The following CUL3 variants were observed in gnomAD, a reference collection of about 807,000 sequenced individuals.
CUL3 encodes the protein cullin 3.
Under a neutral mutation model 89.1 loss-of-function variants are expected in CUL3, and 19 were observed. The ratio of observed to expected loss-of-function variants is 0.21; its 90% CI spans 0.15 to 0.31. The LOEUF (loss-of-function observed/expected upper bound fraction) is 0.31. CUL3 is among the 10% of genes least tolerant of loss of function. CUL3 has a pLI of 1.00. For missense variants in CUL3, 469 were observed against 942.3 expected (o/e 0.50, Z 6.58); for synonymous variants, 351 against 308.4 (o/e 1.14, Z -1.45).
chr2:224,541,175 C>G (rs964045802), intron 2 of CUL3, among the ~76,000 whole-genome samples: 1 of 150,228 alleles, frequency 6.7e-6, no homozygotes, highest in Admixed American at 6.6e-5. Flanking sequence ...CAGAGAGAAG[C>G]TACAGAATAG....
chr2:224,512,067 A>G (rs761319376), intron 5 of CUL3, among the ~76,000 whole-genome samples: 6 of 152,072 alleles, frequency 3.9e-5, no homozygotes, highest in Non-Finnish European at 7.4e-5. Context: ...AAGTTTGAAA[A>G]TAAGAGCTTT....
rs1454778496 is a variant in CUL3, at chr2:224,500,631, T to TC, written c.1486-145_1486-144insG. 62 of 635,046 alleles carry TC rather than the reference T, an allele frequency of 9.8e-5. 1 individual carries two copies. The Middle Eastern group carries it at 1.6e-3, about 17-fold the overall frequency. The allele number at this position is 635,046 out of a possible 1,614,324, so 39.3% of individuals were successfully genotyped here. A position where few individuals can be genotyped will look rare whatever the true frequency, so the allele number is the denominator to read the frequency against. ...AAAAAAAGCAGATTTTCTTTTCTTT[T>TC]TTTTTTTTTTTTTGAGACAGAGTTT... On this transcript the variant is annotated intron_variant, in intron 10 of 15. Transcript: ENST00000264414.
intron 13 of CUL3, chr2:224,495,048 C>T (rs1692115146): frequency 6.6e-6 from 1 of 151,500 alleles, no homozygotes; most frequent in Admixed American, 6.6e-5. Context: ...AAGAAAACAA[C>T]TCAAAAAAGA....
At chr2:224,486,144 T>A (rs1440908203) in intron 13 of CUL3, among the ~76,000 whole-genome samples, 3 of 152,258 alleles carry the variant, frequency 2.0e-5, no homozygotes, top group Admixed American at 1.3e-4. Context: ...GATAAATCCA[T>A]GAAGATGAGG....
intron 3 of CUL3, among the ~76,000 whole-genome samples, chr2:224,532,065 T>C (rs1322305882): frequency 1.3e-5 from 2 of 152,176 alleles, no homozygotes; most frequent in Non-Finnish European, 2.9e-5. Flanking sequence ...ATAGTGATTA[T>C]CAACTGAATG....
intron 2 of CUL3, among the ~76,000 whole-genome samples, chr2:224,546,044 T>C (rs1194243084): frequency 1.3e-5 from 2 of 152,270 alleles, no homozygotes; most frequent in East Asian, 3.9e-4. Flanking sequence ...AATGATAGCT[T>C]TTTACTTACT....
chr2:224,517,855 C>T (rs1693122526), intron 3 of CUL3, among the ~76,000 whole-genome samples: 1 of 152,066 alleles, frequency 6.6e-6, no homozygotes, highest in African/African-American at 2.4e-5. Flanking sequence ...TAATTCAAAC[C>T]AGTATGTAGC....
intron 3 of CUL3, among the ~76,000 whole-genome samples, chr2:224,521,007 CAG>C (rs1693239290): frequency 6.6e-6 from 1 of 152,092 alleles, no homozygotes; most frequent in Admixed American, 6.5e-5. Context: ...TTTCATTACT[CAG>C]GGAGTGGCAT....
chr2:224,573,391 G>C (rs912538168), intron 1 of CUL3, among the ~76,000 whole-genome samples: 3 of 152,106 alleles, frequency 2.0e-5, no homozygotes, highest in Non-Finnish European at 4.4e-5. Flanking sequence ...TTATGCTTTT[G>C]ACTGCTTTAT....
intron 1 of CUL3, among the ~76,000 whole-genome samples, chr2:224,580,498 A>G (rs908402252): frequency 2.0e-5 from 3 of 152,180 alleles, no homozygotes. Flanking sequence ...AGCCTGGCCA[A>G]CATGGCGAAA....
chr2:224,529,400 G>A (rs554747691), intron 3 of CUL3, among the ~76,000 whole-genome samples: 35 of 150,952 alleles, frequency 2.3e-4, no homozygotes, highest in African/African-American at 5.1e-4. Context: ...GGCAGATCAC[G>A]AGGTCAGGAG....
chr2:224,492,850 T>C (rs111902665), intron 13 of CUL3, among the ~76,000 whole-genome samples: 96 of 152,198 alleles, frequency 6.3e-4, no homozygotes, highest in African/African-American at 2.3e-3. Flanking sequence ...CAGGGAAAGA[T>C]CAAAAAGGCA....
intron 2 of CUL3, among the ~76,000 whole-genome samples, chr2:224,537,313 G>T (rs781298117): frequency 6.6e-6 from 1 of 152,158 alleles, no homozygotes; most frequent in Non-Finnish European, 1.5e-5. Flanking sequence ...TAGATTTAAT[G>T]ATGAGACAAT....
intron 3 of CUL3, among the ~76,000 whole-genome samples, chr2:224,521,019 T>C (rs1018996990): frequency 1.3e-5 from 2 of 152,140 alleles, no homozygotes; most frequent in African/African-American, 4.8e-5. Flanking sequence ...GGGAGTGGCA[T>C]TACAAACAAA....
chr2:224,564,934 A>G (rs1574701513), intron 1 of CUL3, among the ~76,000 whole-genome samples: 1 of 152,318 alleles, frequency 6.6e-6, no homozygotes, highest in South Asian at 2.1e-4. Flanking sequence ...CATAAGCCTT[A>G]TATTTTTTCT....
intron 3 of CUL3, among the ~76,000 whole-genome samples, chr2:224,518,159 T>C (rs915315715): frequency 1.3e-5 from 2 of 152,282 alleles, no homozygotes; most frequent in East Asian, 3.9e-4. Context: ...GACAAGTCCT[T>C]TGTTCACTTC....
At chr2:224,544,800 C>G (rs552497017) in intron 2 of CUL3, among the ~76,000 whole-genome samples, 15 of 150,842 alleles carry the variant, frequency 9.9e-5, no homozygotes, top group South Asian at 6.3e-4. Context: ...GTATAGAGGA[C>G]AGCTGACAGA....
intron 11 of CUL3, 99 bp from the exon 12 acceptor site, chr2:224,497,948 G>C: frequency 1.1e-6 from 1 of 896,412 alleles, no homozygotes; most frequent in Non-Finnish European, 1.8e-6. Context: ...GTGTGTGTGT[G>C]TGTGTGTGTA....
At chr2:224,562,742 C>T (rs987246340) in intron 1 of CUL3, 1 of 152,022 alleles carries the variant, frequency 6.6e-6, no homozygotes, top group African/African-American at 2.4e-5. Flanking sequence ...TATCCCAAAA[C>T]CTAGTCCAAA....
Sources: gnomAD v4.1 joint callset for allele counts (sites outside exome capture counted in the v4.1 genomes callset) on GRCh38, gnomAD v4.1.1 for gene constraint, MANE v1.5 for transcripts, NCBI Gene and HGNC (gene_info 2026-07-23, HGNC 2026-07-21) for gene names.